Variants in FBXO11 observed in about 807,000 individuals in gnomAD.
FBXO11 encodes the protein F-box only protein 11.
A neutral mutation model predicts 117.0 loss-of-function variants in FBXO11; 13 were observed. The observed-to-expected ratio is 0.11, with a 90% CI of 0.07 to 0.18. The LOEUF (loss-of-function observed/expected upper bound fraction) is 0.18, where lower values mean the gene tolerates loss of function less well. FBXO11 is among the 10% of genes least tolerant of loss of function. The probability of loss-of-function intolerance (pLI) is 1.00; values close to 1 mark genes in which losing one functional copy is unlikely to be tolerated. For missense variants in FBXO11, 767 were observed against 1,164.4 expected, an observed-to-expected ratio of 0.66 and a Z score of 4.97; for synonymous variants, 490 against 380.5, an observed-to-expected ratio of 1.29 and a Z score of -3.35.
chr2:47,809,488 T>A (rs952651607), intron 20 of FBXO11, 112 bp downstream of exon 20: 9 of 818,796 alleles, frequency 1.1e-5, no homozygotes, highest in East Asian at 5.1e-5. Flanking sequence ...AAATCTATCT[T>A]AAACTGTTGC....
intron 1 of FBXO11, among the ~76,000 whole-genome samples, chr2:47,851,122 CATT>C (rs1348507085): frequency 6.6e-6 from 1 of 151,998 alleles, no homozygotes; most frequent in African/African-American, 2.4e-5. Context: ...TCAAATATAT[CATT>C]AATTCAAGAA....
At chr2:47,808,547 G>A in intron 21 of FBXO11, 120 bp from the exon 22 acceptor site, 1 of 743,612 alleles carries the variant, frequency 1.3e-6, no homozygotes, top group Non-Finnish European at 2.1e-6. Flanking sequence ...ATTCTTTGTG[G>A]CTCCAGCCCA....
chr2:47,831,288 T>C (rs1323935701), intron 11 of FBXO11, among the ~76,000 whole-genome samples: 3 of 151,630 alleles, frequency 2.0e-5, no homozygotes, highest in Admixed American at 1.3e-4. Flanking sequence ...TGGTGGTGCA[T>C]GCCTGTAATC....
At chr2:47,860,271 A>G (rs1674656217) in intron 1 of FBXO11, among the ~76,000 whole-genome samples, 1 of 152,224 alleles carries the variant, frequency 6.6e-6, no homozygotes, top group Non-Finnish European at 1.5e-5. Flanking sequence ...CTCATTTGCC[A>G]GAGAGCACAG....
intron 4 of FBXO11, among the ~76,000 whole-genome samples, chr2:47,837,910 A>G (rs1672711684): frequency 6.6e-6 from 1 of 151,860 alleles, no homozygotes; most frequent in East Asian, 1.9e-4. Flanking sequence ...TTCACTTTTT[A>G]TAACAGCATT....
intron 14 of FBXO11, among the ~76,000 whole-genome samples, chr2:47,819,556 A>T (rs565487431): frequency 6.6e-6 from 1 of 152,258 alleles, no homozygotes; most frequent in South Asian, 2.1e-4. Flanking sequence ...TTAAGCTTTC[A>T]AAAATTTTAT....
chr2:47,876,581 T>C (rs1676021284), intron 1 of FBXO11, among the ~76,000 whole-genome samples: 1 of 152,252 alleles, frequency 6.6e-6, no homozygotes, highest in African/African-American at 2.4e-5. Flanking sequence ...GATCCTTTTA[T>C]CTTCTGGAAG....
At chr2:47,899,519 C>A (rs2104046043) in intron 1 of FBXO11, among the ~76,000 whole-genome samples, 1 of 152,246 alleles carries the variant, frequency 6.6e-6, no homozygotes, top group African/African-American at 2.4e-5. Context: ...CTTGAAAGAT[C>A]ACAAAGTAAG....
At chr2:47,815,146 A>T (rs1558406302) in intron 16 of FBXO11, among the ~76,000 whole-genome samples, 1 of 151,622 alleles carries the variant, frequency 6.6e-6, no homozygotes, top group African/African-American at 2.4e-5. Flanking sequence ...ACTCCTGTTA[A>T]TTTTTTTTTG....
chr2:47,831,209 G>A (rs1006848001), intron 11 of FBXO11, among the ~76,000 whole-genome samples: 1 of 151,774 alleles, frequency 6.6e-6, no homozygotes, highest in African/African-American at 2.4e-5. Flanking sequence ...TTGAGGCCAG[G>A]AGTTCAAGCC....
At chr2:47,835,517 A>C (rs1012936558) in intron 5 of FBXO11, among the ~76,000 whole-genome samples, 8 of 151,466 alleles carry the variant, frequency 5.3e-5, no homozygotes, top group African/African-American at 1.9e-4. Context: ...TTTTTCCCTG[A>C]GACAAGAGTC....
At chr2:47,812,847 A>G in intron 18 of FBXO11, 1 of 255,342 alleles carries the variant, frequency 3.9e-6, no homozygotes, top group Non-Finnish European at 7.7e-6. Flanking sequence ...AGTTGAAAAC[A>G]GTTACAAAAG....
chr2:47,852,251 A>G (rs1454759274), intron 1 of FBXO11, among the ~76,000 whole-genome samples: 4 of 152,090 alleles, frequency 2.6e-5, no homozygotes, highest in Admixed American at 2.6e-4. Flanking sequence ...CGGCCTCCCA[A>G]AGTGCTGGGA....
intron 1 of FBXO11, among the ~76,000 whole-genome samples, chr2:47,840,289 TG>T (rs1248323974): frequency 6.6e-6 from 1 of 151,812 alleles, no homozygotes; most frequent in Non-Finnish European, 1.5e-5. Flanking sequence ...ATCCACTTGC[TG>T]AGAGGAGTGG....
chr2:47,849,380 T>C (rs1324005071), intron 1 of FBXO11, among the ~76,000 whole-genome samples: 2 of 152,236 alleles, frequency 1.3e-5, no homozygotes, highest in East Asian at 3.8e-4. Flanking sequence ...CATTAATGTA[T>C]TCAGTTATTA....
At chr2:47,857,054 CTATT>C (rs1265594503) in intron 1 of FBXO11, among the ~76,000 whole-genome samples, 1 of 152,180 alleles carries the variant, frequency 6.6e-6, no homozygotes, top group East Asian at 1.9e-4. Context: ...AGACATTACA[CTATT>C]TATGCACAGA....
intron 7 of FBXO11, 82 bp from the exon 8 acceptor site, chr2:47,833,152 A>T: frequency 1.2e-6 from 1 of 848,938 alleles, no homozygotes. Context: ...AACTTACTAA[A>T]AACATTAGTA....
At chr2:47,821,578 C>A (rs1671387169) in intron 13 of FBXO11, among the ~76,000 whole-genome samples, 4 of 151,436 alleles carry the variant, frequency 2.6e-5, no homozygotes, top group Admixed American at 2.0e-4. Flanking sequence ...CCACTGCACT[C>A]CAGCCTGGGT....
chr2:47,872,583 CAA>C (rs779223478), intron 1 of FBXO11, among the ~76,000 whole-genome samples: 9 of 152,312 alleles, frequency 5.9e-5, no homozygotes, highest in Non-Finnish European at 8.8e-5. Flanking sequence ...CTCGGCATCC[CAA>C]AGTGCTGGGA....
Sources: allele counts gnomAD v4.1 joint callset (sites outside exome capture counted in the v4.1 genomes callset), GRCh38; gene constraint gnomAD v4.1.1; transcripts MANE v1.5; gene names NCBI Gene and HGNC (gene_info 2026-07-23, HGNC 2026-07-21).